The following ZNF157 variants were observed in gnomAD, a reference collection of about 807,000 sequenced individuals.
The protein encoded by ZNF157 is zinc finger protein 157, also known as zinc finger protein 22.
A neutral mutation model predicts 9.4 loss-of-function variants in ZNF157; 8 were observed. The observed-to-expected ratio is 0.85, with a 90% CI of 0.50 to 1.53. The LOEUF (loss-of-function observed/expected upper bound fraction) is 1.53, where lower values mean the gene tolerates loss of function less well. Ranked by LOEUF, ZNF157 falls within the 40% of genes most tolerant of loss-of-function variation. The pLI, the probability that ZNF157 is intolerant of heterozygous loss-of-function variation, is 0.00. For synonymous variants in ZNF157, 120 were observed against 130.8 expected (o/e 0.92, Z 0.56); for missense variants, 316 against 385.2 (o/e 0.82, Z 1.50).
chrX:47,398,344 T>G (rs186672915), intron 1 of ZNF157, among the ~76,000 whole-genome samples: 1 of 111,816 alleles, frequency 8.9e-6, no homozygotes, highest in South Asian at 3.7e-4. Flanking sequence ...GTGAATTCCA[T>G]GAGCATGGTC....
At chrX:47,399,481 T>A (rs6609493) in intron 1 of ZNF157, among the ~76,000 whole-genome samples, 25,974 of 111,196 alleles carry the variant, frequency 0.23, 2,749 homozygotes, top group South Asian at 0.41. Context: ...AAAGTTTAGG[T>A]AATATAGGGG....
In ZNF157 at chrX:47,377,355, T is replaced by C. The variant is rs4538999; in HGVS notation, c.72+6615T>C. Among the ~76,000 whole-genome samples the C allele has an allele frequency of 2.1e-4, 23 of 110,997 alleles. No homozygotes were observed. The East Asian group carries it at 6.5e-3, about 31-fold the overall frequency. On this transcript the variant is annotated intron_variant, in intron 1 of 3. Coordinates refer to ENST00000377073, the MANE Select transcript of ZNF157 (RefSeq NM_003446.4). ...CTCTGTGTGAATTACTCTTTCTCTA[T>C]TGCAGTTTCTCTGTCTTAATAAATC...
intron 1 of ZNF157, among the ~76,000 whole-genome samples, chrX:47,386,977 G>GT (rs920957916): frequency 1.8e-5 from 2 of 109,820 alleles, no homozygotes; most frequent in Admixed American, 9.8e-5. Flanking sequence ...TTTTGTTTTT[G>GT]TTTTTTTTGA....
intron 1 of ZNF157, among the ~76,000 whole-genome samples, chrX:47,375,654 A>G: frequency 9.4e-6 from 1 of 106,801 alleles, no homozygotes; most frequent in Non-Finnish European, 1.9e-5. Context: ...CTCTGCCCGA[A>G]CCTCTATCAA....
At chrX:47,387,250 G>A (rs1306794360) in intron 1 of ZNF157, among the ~76,000 whole-genome samples, 1 of 110,169 alleles carries the variant, frequency 9.1e-6, no homozygotes, top group Non-Finnish European at 1.9e-5. Context: ...AGCCTCCCGA[G>A]TAGCCTGGGA....
intron 1 of ZNF157, among the ~76,000 whole-genome samples, chrX:47,377,382 G>C (rs2055847894): frequency 9.0e-6 from 1 of 111,188 alleles, no homozygotes; most frequent in African/African-American, 3.3e-5. Flanking sequence ...TAATAAATCT[G>C]CTCTGTCTGG....
chrX:47,398,797 T>G (rs1408723292), intron 1 of ZNF157, among the ~76,000 whole-genome samples: 2 of 112,025 alleles, frequency 1.8e-5, no homozygotes, highest in Non-Finnish European at 3.8e-5. Context: ...TTCTTCTGCC[T>G]CAGCCTCCCG....
At chrX:47,382,753 C>A (rs1431445674) in intron 1 of ZNF157, among the ~76,000 whole-genome samples, 1 of 109,703 alleles carries the variant, frequency 9.1e-6, no homozygotes, top group African/African-American at 3.3e-5. Context: ...AAGAGGAGCA[C>A]CCCTGATGAA....
In ZNF157 at chrX:47,412,427, T is replaced by A. The variant is rs149288812; in HGVS notation, c.354T>A (p.Asp118Glu). The A allele has an allele frequency of 2.7e-4, 322 of 1,210,513 alleles. No homozygotes were observed. Among genetic ancestry groups the A allele is most frequent in the Non-Finnish European group, 3.4e-4 (308 of 895,143 alleles). The change falls in exon 4 of 4, where the codon GAT becomes GAA. Residue 118 changes from aspartate to glutamate, a missense_variant. By Grantham distance (45) the Asp-to-Glu change is conservative. This residue lies in a region of ZNF157 where 146 missense variants were observed against 183.8 expected (regional missense o/e 0.79). Transcript: ENST00000377073. ...TTGGGGATAATGCCCTCAGGCATGA[T>A]AATGACCTTCTTCACCATCAGAAGA... ...GSVGDNALRHDNDLLHHQKIQ... is the reference protein window; with the variant it reads ...GSVGDNALRHENDLLHHQKIQ...
chrX:47,386,264 G>A (rs186983133), intron 1 of ZNF157, among the ~76,000 whole-genome samples: 58 of 110,785 alleles, frequency 5.2e-4, no homozygotes, highest in Admixed American at 2.7e-3. Context: ...CAGAACAATA[G>A]CACAATATCA....
intron 1 of ZNF157, among the ~76,000 whole-genome samples, chrX:47,406,873 G>A (rs776536084): frequency 8.9e-6 from 1 of 112,365 alleles, no homozygotes; most frequent in African/African-American, 3.2e-5. Flanking sequence ...ACTTTGAATA[G>A]GATTTTGATT....
chrX:47,399,013 G>A (rs1414054207), intron 1 of ZNF157, among the ~76,000 whole-genome samples: 2 of 111,662 alleles, frequency 1.8e-5, no homozygotes, highest in African/African-American at 6.5e-5. Context: ...TGTTGGCCAG[G>A]CTGGTCTCGA....
At chrX:47,412,058 A>G (rs1449667418) in intron 3 of ZNF157, among the ~76,000 whole-genome samples, 1 of 111,738 alleles carries the variant, frequency 8.9e-6, no homozygotes, top group Non-Finnish European at 1.9e-5. Flanking sequence ...TCCTGGGTTC[A>G]AGTGATTCTC....
intron 1 of ZNF157, among the ~76,000 whole-genome samples, chrX:47,391,921 G>A (rs965426806): frequency 1.0e-5 from 1 of 100,136 alleles, no homozygotes; most frequent in Non-Finnish European, 2.0e-5. Context: ...AGGGAGTCTC[G>A]CTCTGTCGCC....
At chrX:47,381,702 T>C (rs2055864015) in intron 1 of ZNF157, among the ~76,000 whole-genome samples, 1 of 111,567 alleles carries the variant, frequency 9.0e-6, no homozygotes, top group Non-Finnish European at 1.9e-5. Context: ...ATGTTTGATT[T>C]TGAATGCTGT....
intron 1 of ZNF157, among the ~76,000 whole-genome samples, chrX:47,393,058 G>A (rs1057480252): frequency 2.7e-5 from 3 of 110,495 alleles, no homozygotes; most frequent in Non-Finnish European, 5.7e-5. Flanking sequence ...AGGAGGCTGA[G>A]GCAGGAGAAT....
At chrX:47,378,170 T>G (rs2055850677) in intron 1 of ZNF157, among the ~76,000 whole-genome samples, 1 of 110,607 alleles carries the variant, frequency 9.0e-6, no homozygotes, top group Admixed American at 9.8e-5. Context: ...GAGTTAGAAG[T>G]GCTGATTGGT....
At chrX:47,384,249 A>C (rs1164787171) in intron 1 of ZNF157, among the ~76,000 whole-genome samples, 3 of 111,772 alleles carry the variant, frequency 2.7e-5, no homozygotes, top group Non-Finnish European at 5.6e-5. Flanking sequence ...CAAATAAATA[A>C]ATAAGTTTTT....
intron 1 of ZNF157, among the ~76,000 whole-genome samples, chrX:47,371,268 C>T (rs1168140856): frequency 9.2e-6 from 1 of 108,700 alleles, no homozygotes; most frequent in Non-Finnish European, 1.9e-5. Context: ...AACCTGGAGG[C>T]GGAGGTTGCA....
Sources: gnomAD v4.1 joint callset for allele counts (sites outside exome capture counted in the v4.1 genomes callset) on GRCh38, gnomAD v4.1.1 for gene constraint, gnomAD v4.1.1 regional missense constraint, MANE v1.5 for transcripts, NCBI Gene and HGNC (gene_info 2026-07-23, HGNC 2026-07-21) for gene names.